Variants in PSMA7 observed in about 807,000 individuals in gnomAD.
PSMA7 encodes the protein proteasome subunit alpha type-7.
In PSMA7, 5 loss-of-function variants were observed where a neutral mutation model predicts 31.3. That is an observed-to-expected ratio of 0.16 (90% confidence interval 0.08 to 0.34). The LOEUF (loss-of-function observed/expected upper bound fraction) is 0.34. Ranked by LOEUF, PSMA7 falls within the 10% of genes least tolerant of loss-of-function variation. The pLI is 1.00. For missense variants in PSMA7, 217 were observed against 327.5 expected (o/e 0.66, Z 2.60); for synonymous variants, 155 against 121.9 (o/e 1.27, Z -1.79).
At chr20:62,138,526 T>C (rs983707787) in intron 4 of PSMA7, among the ~76,000 whole-genome samples, 1 of 151,702 alleles carries the variant, frequency 6.6e-6, no homozygotes, top group Admixed American at 6.6e-5. Flanking sequence ...TATGTTTTAC[T>C]GCGCTATCAA....
At chr20:62,142,944 G>A (rs1362030435) in intron 1 of PSMA7, among the ~76,000 whole-genome samples, 1 of 150,310 alleles carries the variant, frequency 6.7e-6, no homozygotes, top group African/African-American at 2.4e-5. Context: ...CCCCGTGCCC[G>A]GGGCCCCACG....
chr20:62,139,289 C>T (rs2056913267), intron 3 of PSMA7, 92 bp from the exon 4 acceptor site: 42 of 1,479,796 alleles, frequency 2.8e-5, no homozygotes, highest in Non-Finnish European at 3.9e-5. Flanking sequence ...ACATTTTAAA[C>T]CATGCCTGAG....
At chr20:62,140,146 G>A (rs1004170269) in intron 2 of PSMA7, among the ~76,000 whole-genome samples, 10 of 152,126 alleles carry the variant, frequency 6.6e-5, no homozygotes, top group Non-Finnish European at 1.3e-4. Flanking sequence ...AAAATACCTG[G>A]CTGAAAATGC....
intron 1 of PSMA7, among the ~76,000 whole-genome samples, chr20:62,142,091 G>A (rs1420379643): frequency 6.6e-6 from 1 of 152,174 alleles, no homozygotes; most frequent in African/African-American, 2.4e-5. Context: ...TCCACACACT[G>A]CCAGTGGCTC....
intron 4 of PSMA7, 101 bp downstream of exon 4, chr20:62,138,974 C>G (rs556581155): frequency 4.9e-6 from 7 of 1,438,284 alleles, no homozygotes; most frequent in Non-Finnish European, 5.6e-6. Context: ...TAAACTGACT[C>G]ATTCACTGAT....
chr20:62,143,080 C>T, intron 1 of PSMA7, 128 bp downstream of exon 1: 1 of 382,198 alleles, frequency 2.6e-6, no homozygotes, highest in Non-Finnish European at 3.6e-6. Flanking sequence ...CAGCCCTGAC[C>T]GCCCGCGCCG....
At position 62,138,198 on chromosome 20, in the gene PSMA7, A is replaced by G. The variant is rs2056906351; in HGVS notation, c.564T>C (p.Ile188=). 2 of 1,614,224 alleles carry G rather than the reference A, an allele frequency of 1.2e-6. No homozygotes were observed. The highest frequency in any genetic ancestry group is 1.7e-6 in the Non-Finnish European group (2 of 1,180,042). The change falls in exon 5 of 7, where the codon ATT becomes ATC. Residue 188 remains isoleucine (I), a synonymous_variant. Transcript: ENST00000370873. ...CCAGGAGTGCCTTGATCACCAGCTTAATGGTCAGATCATCTGTTTCAATGG... is the reference window on the plus strand; with the variant it reads ...CCAGGAGTGCCTTGATCACCAGCTTGATGGTCAGATCATCTGTTTCAATGG... ...DEAIETDDLT[I]KLVIKALLEV...
intron 4 of PSMA7, among the ~76,000 whole-genome samples, 162 bp downstream of exon 4, chr20:62,138,913 C>A (rs1462361974): frequency 1.3e-5 from 2 of 152,208 alleles, no homozygotes; most frequent in African/African-American, 4.8e-5. Flanking sequence ...TGATTTTCTT[C>A]CAAACAGCAA....
chr20:62,138,130 G>T, intron 5 of PSMA7, 41 bp downstream of exon 5: 1 of 1,613,316 alleles, frequency 6.2e-7, no homozygotes, highest in Non-Finnish European at 8.5e-7. Context: ...CCAAAACGTG[G>T]TATCTTCACC....
Position 62,143,331 on chromosome 20 carries a change from C to G in PSMA7, c.-28G>C, listed in dbSNP as rs757953252. On this transcript the variant is annotated 5_prime_UTR_variant, in exon 1 of 7. Transcript: ENST00000370873. ...CGGCGGGCGGCGGCCGGGCTCCTTC[C>G]GCCGCGACTCTCAAAAGCGCACACT... The G allele has an allele frequency of 7.4e-7, 1 of 1,346,652 alleles. No homozygotes were observed. The highest frequency in any genetic ancestry group is 9.7e-7 in the Non-Finnish European group (1 of 1,026,612). The allele number at this position is 1,346,652 out of a possible 1,614,324, so 83.4% of individuals were successfully genotyped here. A position where few individuals can be genotyped will look rare whatever the true frequency, so the allele number is the denominator to read the frequency against.
rs1332263736 is a variant in PSMA7, at chr20:62,139,820, A to G, written c.309T>C (p.Thr103=). 1.2e-6 allele frequency: 2 copies of G among 1,614,102 alleles called. No individual in the cohort carries two copies. Residue 103 remains threonine (T), a synonymous_variant, in exon 3 of 7, where the codon ACT becomes ACC. Coordinates refer to ENST00000370873, the MANE Select transcript of PSMA7 (RefSeq NM_002792.4). ...CGATGTAGCGGGTGATGTACTCCAC[A>G]GTGACCGGGTCCTCCACAGTCAGCC... ...SHRLTVEDPV[T]VEYITRYIAS... is the part of the protein sequence containing the mutation.
rs940664972 is a variant in PSMA7, at chr20:62,139,997, G to T, written c.224-92C>A. On this transcript the variant is annotated intron_variant, in intron 2 of 6. Coordinates refer to ENST00000370873, the MANE Select transcript of PSMA7 (RefSeq NM_002792.4). ...ATGACCCAGCATTTAACCTTCCACA[G>T]ACCCCCCAAACCGGCAGCAAGGCTA... The T allele has an allele frequency of 2.7e-6, 4 of 1,473,214 alleles. No individual in the cohort carries two copies. In the African/African-American group the frequency reaches 5.6e-5, roughly 21 times the overall value. The allele number at this position is 1,473,214 out of a possible 1,614,324, so 91.3% of individuals were successfully genotyped here.
chr20:62,139,692 T>C lies in PSMA7; in HGVS notation c.348+89A>G, dbSNP rs1253105322. On this transcript the variant is annotated intron_variant, in intron 3 of 6. Transcript: ENST00000370873. Reference sequence around the variant, plus strand: ...CCCCAGAATAAATCAGTTTTCTGATTCACCTGAAGTGACATGGCAGGACCC... The same window carrying C: ...CCCCAGAATAAATCAGTTTTCTGATCCACCTGAAGTGACATGGCAGGACCC... The C allele has an allele frequency of 5.0e-6, 8 of 1,597,426 alleles. No individual in the cohort carries two copies. In the East Asian group the frequency reaches 1.8e-4, roughly 36 times the overall value.
rs1277455287 is a variant in PSMA7, at chr20:62,139,207, AAAG to A, written c.349-13_349-11del. On this transcript the variant is annotated splice_polypyrimidine_tract_variant and intron_variant, in intron 3 of 6. Transcript: ENST00000370873. ...TGCTCTGCGTATAACGCTAGCAAGA[AAAG>A]AAACAGGTCAGTGCCATCCAATTAA... is the stretch of plus-strand genomic sequence containing the variant. 9 of 1,612,658 alleles carry A rather than the reference AAAG, an allele frequency of 5.6e-6. No homozygotes were observed. Among genetic ancestry groups the A allele is most frequent in the Admixed American group, 1.7e-5 (1 of 59,798 alleles).
chr20:62,141,026 T>G (rs1293211589), intron 1 of PSMA7, 82 bp from the exon 2 acceptor site: 27 of 1,546,502 alleles, frequency 1.7e-5, no homozygotes, highest in Admixed American at 5.1e-5. Context: ...TTCCAGCACT[T>G]TGGGAGGCTG....
intron 4 of PSMA7, 123 bp from the exon 5 acceptor site, chr20:62,138,413 CTGGACAGCAGCTG>C: frequency 7.7e-7 from 1 of 1,302,884 alleles, no homozygotes; most frequent in South Asian, 1.4e-5. Flanking sequence ...AGCTGGAGTG[CTGGACAGCAGCTG>C]TGGACACAGG....
rs530174153 is a variant in PSMA7 at position 62,139,251 on chromosome 20, G to A, written c.349-54C>T. The stretch of plus-strand genomic sequence containing the variant: ...ATCCAATTAAGAAACTGCATGTGAG[G>A]AAAGAACCGTACTTAGTGAAGATAC... On this transcript the variant is annotated intron_variant, in intron 3 of 6. Coordinates refer to ENST00000370873, the MANE Select transcript of PSMA7 (RefSeq NM_002792.4). 2.2e-5 allele frequency: 35 copies of A among 1,591,710 alleles called. No homozygotes were observed. In the South Asian group the frequency reaches 3.5e-4, roughly 16 times the overall value.
At chr20:62,138,099 T>C in intron 5 of PSMA7, 72 bp downstream of exon 5, 1 of 1,602,344 alleles carries the variant, frequency 6.2e-7, no homozygotes, top group South Asian at 1.1e-5. Flanking sequence ...TCCTTCCTGC[T>C]CATCTACCTA....
chr20:62,143,309 C>T lies in PSMA7; in HGVS notation c.-6G>A. ...ATGGCGCGGTCGTAGCTCATGCCGG[C>T]GGGCGGCGGCCGGGCTCCTTCCGCC... On this transcript the variant is annotated 5_prime_UTR_variant, in exon 1 of 7. Transcript: ENST00000370873. The T allele has an allele frequency of 7.1e-7, 1 of 1,402,564 alleles. No individual in the cohort carries two copies. The allele number at this position is 1,402,564 out of a possible 1,614,324, so 86.9% of individuals were successfully genotyped here. A position where few individuals can be genotyped will look rare whatever the true frequency, so the allele number is the denominator to read the frequency against.
Sources: gnomAD v4.1 joint callset for allele counts (sites outside exome capture counted in the v4.1 genomes callset) on GRCh38, gnomAD v4.1.1 for gene constraint, MANE v1.5 for transcripts, NCBI Gene and HGNC (gene_info 2026-07-23, HGNC 2026-07-21) for gene names.